The following AKAP6 variants were observed in gnomAD, a reference collection of about 807,000 sequenced individuals.
AKAP6 encodes the protein A-kinase anchor protein 6.
AKAP6 carries 58 observed loss-of-function variants against 188.5 expected under a neutral mutation model. The ratio of observed to expected loss-of-function variants is 0.31; its 90% CI spans 0.25 to 0.38. The LOEUF is 0.38. Ranked by LOEUF, AKAP6 falls within the 10% of genes least tolerant of loss-of-function variation. The pLI is 1.00. For missense variants in AKAP6, 2,710 were observed against 2,740.0 expected (o/e 0.99, Z 0.24); for synonymous variants, 989 against 998.6 (o/e 0.99, Z 0.18).
At chr14:32,513,493 T>C (rs1334895093) in intron 2 of AKAP6, among the ~76,000 whole-genome samples, 1 of 152,258 alleles carries the variant, frequency 6.6e-6, no homozygotes, top group Non-Finnish European at 1.5e-5. Context: ...GAGTGAGAGA[T>C]CCCTGCTTAC....
chr14:32,800,610 C>A (rs2033919645), intron 12 of AKAP6, among the ~76,000 whole-genome samples: 1 of 152,078 alleles, frequency 6.6e-6, no homozygotes, highest in South Asian at 2.1e-4. Flanking sequence ...TGTTTTGAAT[C>A]TGCTTTTCCT....
At chr14:32,814,906 C>T (rs1056403537) in intron 12 of AKAP6, among the ~76,000 whole-genome samples, 7 of 151,990 alleles carry the variant, frequency 4.6e-5, no homozygotes, top group Non-Finnish European at 1.0e-4. Flanking sequence ...TCAGTAATCA[C>T]TTTTTAAGAA....
chr14:32,544,897 A>G (rs1883124626), intron 3 of AKAP6, among the ~76,000 whole-genome samples: 1 of 152,190 alleles, frequency 6.6e-6, no homozygotes, highest in African/African-American at 2.4e-5. Flanking sequence ...TGTATTACTT[A>G]AGGCTTTGTT....
At chr14:32,535,028 G>A (rs1298187083) in intron 2 of AKAP6, among the ~76,000 whole-genome samples, 5 of 145,430 alleles carry the variant, frequency 3.4e-5, no homozygotes, top group African/African-American at 5.0e-5. Context: ...ATATTAAGTT[G>A]TATACTTGTG....
At chr14:32,359,228 T>C (rs1887578134) in intron 1 of AKAP6, among the ~76,000 whole-genome samples, 1 of 152,188 alleles carries the variant, frequency 6.6e-6, no homozygotes, top group South Asian at 2.1e-4. Context: ...CAATTTATCC[T>C]TCTGAGAGGA....
At chr14:32,523,764 G>A (rs76609903) in intron 2 of AKAP6, among the ~76,000 whole-genome samples, 1,482 of 144,100 alleles carry the variant, frequency 0.01, 30 homozygotes, top group African/African-American at 0.036. Flanking sequence ...ACCATGCCTG[G>A]CCATGAAGTT....
In AKAP6 at chr14:32,830,625, G is replaced by A. The variant is rs1447280606; in HGVS notation, c.*820G>A. ...TATGTTGGTTTGAAAGGAGGAAATA[G>A]CAAGGTTAAGATGTGTGAATAATTT... On this transcript the variant is annotated 3_prime_UTR_variant, in exon 14 of 14. Coordinates refer to ENST00000280979, the MANE Select transcript of AKAP6 (RefSeq NM_004274.5). The A allele has an allele frequency of 6.6e-6, 1 of 152,594 alleles. No homozygotes were observed. Among genetic ancestry groups the A allele is most frequent in the Non-Finnish European group, 1.5e-5 (1 of 68,034 alleles). 9.5% of individuals were successfully genotyped at this position (152,594 alleles called of 1,614,324 possible).
intron 1 of AKAP6, among the ~76,000 whole-genome samples, chr14:32,416,213 TTC>T (rs1889651852): frequency 6.6e-6 from 1 of 152,230 alleles, no homozygotes; most frequent in Admixed American, 6.5e-5. Context: ...ACTAATTATT[TTC>T]TGTTTGTGTG....
At chr14:32,411,363 C>A (rs1479654136) in intron 1 of AKAP6, among the ~76,000 whole-genome samples, 1 of 152,158 alleles carries the variant, frequency 6.6e-6, no homozygotes, top group Non-Finnish European at 1.5e-5. Flanking sequence ...CTGCTGATTG[C>A]ACTCTGGGAA....
At chr14:32,400,949 G>A (rs1444251319) in intron 1 of AKAP6, among the ~76,000 whole-genome samples, 1 of 152,110 alleles carries the variant, frequency 6.6e-6, no homozygotes, top group Non-Finnish European at 1.5e-5. Context: ...TTAGGAATGG[G>A]CATACGATCT....
intron 11 of AKAP6, among the ~76,000 whole-genome samples, chr14:32,741,353 A>G (rs571573959): frequency 1.3e-4 from 20 of 152,116 alleles, no homozygotes; most frequent in Admixed American, 3.3e-4. Context: ...GGATGCCTCT[A>G]TTTCTTTCTC....
intron 9 of AKAP6, among the ~76,000 whole-genome samples, chr14:32,704,940 G>A (rs1411932696): frequency 3.3e-5 from 5 of 152,168 alleles, no homozygotes; most frequent in African/African-American, 9.6e-5. Context: ...AAGCAGGAAT[G>A]TGGGGCTAAA....
Position 32,732,557 on chromosome 14 carries a change from T to G in AKAP6, c.3104T>G (p.Leu1035Arg), listed in dbSNP as rs1201153554. The G allele has an allele frequency of 8.1e-6, 13 of 1,613,630 alleles. No homozygotes were observed. The highest frequency in any genetic ancestry group is 1.1e-5 in the Non-Finnish European group (13 of 1,179,708). The change falls in exon 10 of 14, where the codon CTT becomes CGT. Residue 1035 changes from leucine (L) to arginine (R), a missense_variant. Physicochemically the swap from Leu to Arg is moderately radical, Grantham distance 102 (BLOSUM62 -2). Around this residue, in one of 2 missense-constraint regions of AKAP6, gnomAD observed 2,473 missense variants for 2,426.1 expected, o/e 1.02. Coordinates refer to ENST00000280979, the MANE Select transcript of AKAP6 (RefSeq NM_004274.5). ...GGCGTTTTACTACCAAATGATCTCC[T>G]TGAAAAAGTGGATTCAATTAATGAA... ...KGGVLLPNDL[L>R]EKVDSINEKW...
intron 2 of AKAP6, among the ~76,000 whole-genome samples, chr14:32,483,870 T>C (rs1021426247): frequency 1.3e-5 from 2 of 151,938 alleles, no homozygotes; most frequent in African/African-American, 4.8e-5. Context: ...TGGTGGTGGC[T>C]GCACCCATCA....
chr14:32,334,121 A>G lies in AKAP6; in HGVS notation c.-35+4713A>G, dbSNP rs112134343. The stretch of plus-strand genomic sequence containing the variant: ...AGTGTGGTTTTTCAGAGGAATAGCA[A>G]TCCATATAGGACTTTGGCCATGGCA... On this transcript the variant is annotated intron_variant, in intron 1 of 13. Coordinates refer to ENST00000280979, the MANE Select transcript of AKAP6 (RefSeq NM_004274.5). Among the ~76,000 whole-genome samples, 364 of 152,214 alleles carry G rather than the reference A, an allele frequency of 2.4e-3. 1 individual carries two copies. Among genetic ancestry groups the G allele is most frequent in the African/African-American group, 7.7e-3 (319 of 41,490 alleles).
chr14:32,673,430 A>G (rs918983769), intron 7 of AKAP6, among the ~76,000 whole-genome samples: 2 of 152,276 alleles, frequency 1.3e-5, no homozygotes, highest in Non-Finnish European at 2.9e-5. Flanking sequence ...CAGTAAACAT[A>G]TGAGTAATAA....
At position 32,433,689 on chromosome 14, in the gene AKAP6, A is replaced by G. The variant is rs747926434; in HGVS notation, c.196A>G (p.Ile66Val). 5.0e-6 allele frequency: 8 copies of G among 1,614,194 alleles called. No individual in the cohort carries two copies. The South Asian group carries it at 8.8e-5, about 18-fold the overall frequency. ...PPLHTGADWK[I>V]VLHLPEIETW... ...ACTACACACAGGGGCTGACTGGAAG[A>G]TTGTCCTCCACTTACCTGAAATTGA... is the stretch of plus-strand genomic sequence containing the variant. The change falls in exon 2 of 14, where the codon ATT (isoleucine) becomes GTT (valine). Residue 66 changes from isoleucine (I) to valine (V), a missense_variant. Ile to Val is a conservative substitution (Grantham distance 29). This residue lies in a region of AKAP6 where 237 missense variants were observed against 313.9 expected (regional missense o/e 0.76). Transcript: ENST00000280979.
Position 32,779,869 on chromosome 14 carries a change from G to A in AKAP6, c.3588+5976G>A, listed in dbSNP as rs143698819. On this transcript the variant is annotated intron_variant, in intron 12 of 13. Transcript: ENST00000280979. ...ATCAAAAGGATAATGAATAACAATTGTTGGTGAGGGTGTAGAAAAAAGGGA... is the reference window on the plus strand; with the variant it reads ...ATCAAAAGGATAATGAATAACAATTATTGGTGAGGGTGTAGAAAAAAGGGA... 3.0e-3 allele frequency among the ~76,000 whole-genome samples: 451 copies of A among 152,180 alleles called. 2 individuals are homozygous for A. Among genetic ancestry groups the A allele is most frequent in the African/African-American group, 0.01 (431 of 41,518 alleles).
chr14:32,341,728 T>G (rs1886895459), intron 1 of AKAP6, among the ~76,000 whole-genome samples: 1 of 152,216 alleles, frequency 6.6e-6, no homozygotes, highest in African/African-American at 2.4e-5. Flanking sequence ...TTATTTTGTC[T>G]AAAATGACTC....
Sources: gnomAD v4.1 joint callset for allele counts (sites outside exome capture counted in the v4.1 genomes callset) on GRCh38, gnomAD v4.1.1 for gene constraint, gnomAD v4.1.1 regional missense constraint, MANE v1.5 for transcripts, NCBI Gene and HGNC (gene_info 2026-07-23, HGNC 2026-07-21) for gene names.